The following ZMYM4 variants were observed in gnomAD, a reference collection of about 807,000 sequenced individuals.
ZMYM4 encodes zinc finger MYM-type protein 4.
In ZMYM4, 31 loss-of-function variants were observed where a neutral mutation model predicts 183.2. The ratio of observed to expected loss-of-function variants is 0.17; its 90% CI spans 0.13 to 0.23. The LOEUF is 0.23. ZMYM4 is among the 10% of genes least tolerant of loss of function. The pLI, the probability that ZMYM4 is intolerant of heterozygous loss-of-function variation, is 1.00. For synonymous variants in ZMYM4, 592 were observed against 631.2 expected (o/e 0.94, Z 0.93); for missense variants, 1,273 against 1,840.3 (o/e 0.69, Z 5.64).
At chr1:35,288,673 T>C (rs897574965) in intron 1 of ZMYM4, among the ~76,000 whole-genome samples, 2 of 152,234 alleles carry the variant, frequency 1.3e-5, no homozygotes, top group African/African-American at 4.8e-5. Context: ...GTATTATGTG[T>C]GGCTGATCTA....
At chr1:35,317,293 G>T (rs1642090319) in intron 1 of ZMYM4, among the ~76,000 whole-genome samples, 1 of 151,718 alleles carries the variant, frequency 6.6e-6, no homozygotes, top group Non-Finnish European at 1.5e-5. Flanking sequence ...AATTAGCCAG[G>T]TGTGAAGGCG....
At chr1:35,280,000 T>TA (rs1482303841) in intron 1 of ZMYM4, among the ~76,000 whole-genome samples, 3 of 152,246 alleles carry the variant, frequency 2.0e-5, no homozygotes, top group African/African-American at 7.2e-5. Flanking sequence ...ACCATGTCTT[T>TA]AAGGCAGTCT....
Position 35,389,205 on chromosome 1 carries a change from C to A in ZMYM4, c.2436+123C>A. 1.1e-6 allele frequency: 1 copy of A among 929,738 alleles called. No homozygotes were observed. The highest frequency in any genetic ancestry group is 1.5e-6 in the Non-Finnish European group (1 of 650,974). 57.6% of individuals were successfully genotyped at this position (929,738 alleles called of 1,614,324 possible). A position where few individuals can be genotyped will look rare whatever the true frequency, so the allele number is the denominator to read the frequency against. On this transcript the variant is annotated intron_variant, in intron 14 of 29. Coordinates refer to ENST00000314607, the MANE Select transcript of ZMYM4 (RefSeq NM_005095.3). The surrounding 1 kb of genome is among the most constrained non-coding windows in gnomAD (Gnocchi z 4.0). ...ACTTTTAAGTATTAAATGTTTTATG[C>A]CTTCTAGCAATTAATATAAGATTTA... is the stretch of plus-strand genomic sequence containing the variant.
chr1:35,351,475 A>G (rs1469692286), intron 2 of ZMYM4: 3 of 1,563,188 alleles, frequency 1.9e-6, no homozygotes, highest in South Asian at 1.1e-5. Flanking sequence ...AATCCAGTCT[A>G]TGAAAAGAAG....
rs1644647757 is a variant in ZMYM4 at position 35,389,231 on chromosome 1, GA to G, written c.2436+152del. 5.1e-6 allele frequency: 4 copies of G among 787,592 alleles called. No homozygotes were observed. In the East Asian group the frequency reaches 1.2e-4, roughly 23 times the overall value. The allele number at this position is 787,592 out of a possible 1,614,324, so 48.8% of individuals were successfully genotyped here. A position where few individuals can be genotyped will look rare whatever the true frequency, so the allele number is the denominator to read the frequency against. ...CTTCTAGCAATTAATATAAGATTTA[GA>G]AAGACTTTAATGTTATTGAAGTTTT... On this transcript the variant is annotated intron_variant, in intron 14 of 29. Transcript: ENST00000314607. The surrounding 1 kb of genome is among the most constrained non-coding windows in gnomAD (Gnocchi z 4.0).
chr1:35,302,060 G>T (rs999717056), intron 1 of ZMYM4, among the ~76,000 whole-genome samples: 1 of 152,148 alleles, frequency 6.6e-6, no homozygotes, highest in Non-Finnish European at 1.5e-5. Flanking sequence ...CATAATAGCC[G>T]AAAAGTTGAA....
At chr1:35,397,747 A>G (rs1220700346) in intron 20 of ZMYM4, among the ~76,000 whole-genome samples, 2 of 152,170 alleles carry the variant, frequency 1.3e-5, no homozygotes, top group Non-Finnish European at 2.9e-5. Context: ...ATTGGTATTC[A>G]ATAGTTTTTA....
chr1:35,285,967 A>G (rs1640461719), intron 1 of ZMYM4, among the ~76,000 whole-genome samples: 1 of 152,228 alleles, frequency 6.6e-6, no homozygotes, highest in Admixed American at 6.5e-5. Context: ...GAGAGATTTT[A>G]TCCTCAGATG....
In ZMYM4 at chr1:35,387,601, G is replaced by A; in HGVS notation, c.2260G>A (p.Glu754Lys). 1 of 1,606,826 alleles carries A rather than the reference G, an allele frequency of 6.2e-7. No homozygotes were observed. The highest frequency in any genetic ancestry group is 8.5e-7 in the Non-Finnish European group (1 of 1,177,978). The change falls in exon 13 of 30, where the codon GAA becomes AAA. Residue 754 changes from glutamate to lysine, a missense_variant. Glu to Lys is a moderately conservative substitution (Grantham distance 56). Coordinates refer to ENST00000314607, the MANE Select transcript of ZMYM4 (RefSeq NM_005095.3). ...FSGADKSFCSEGCKLLYKHDL... is the reference protein window; with the variant it reads ...FSGADKSFCSKGCKLLYKHDL... ...AGGTGCTGACAAGTCATTCTGTAGT[G>A]AAGGTAAAGACAGAAGATTATCTTA... is the stretch of plus-strand genomic sequence containing the variant.
chr1:35,308,978 T>A lies in ZMYM4; in HGVS notation c.40-16382T>A, dbSNP rs1570316780. 5 of 985,238 alleles carry A rather than the reference T, an allele frequency of 5.1e-6. No individual in the cohort carries two copies. The African/African-American group carries it at 8.7e-5, about 17-fold the overall frequency. The allele number at this position is 985,238 out of a possible 1,614,324, so 61.0% of individuals were successfully genotyped here. A position where few individuals can be genotyped will look rare whatever the true frequency, so the allele number is the denominator to read the frequency against. On this transcript the variant is annotated intron_variant, in intron 1 of 29. Transcript: ENST00000314607. ...TGAAAGATTAGAGCAGACAGCCTTG[T>A]TTGAAAGAGGAAAAGTGGTGTGAAT...
chr1:35,270,857 T>C (rs1451671345), intron 1 of ZMYM4, among the ~76,000 whole-genome samples: 1 of 152,176 alleles, frequency 6.6e-6, no homozygotes, highest in African/African-American at 2.4e-5. Context: ...TGTTCATCAG[T>C]CGTGTTATTT....
At chr1:35,346,364 A>G (rs1381886134) in intron 2 of ZMYM4, among the ~76,000 whole-genome samples, 1 of 152,190 alleles carries the variant, frequency 6.6e-6, no homozygotes, top group African/African-American at 2.4e-5. Context: ...AAATAGTTCT[A>G]TAGAGGTGAG....
At chr1:35,312,226 G>C (rs1293117582) in intron 1 of ZMYM4, among the ~76,000 whole-genome samples, 1 of 152,054 alleles carries the variant, frequency 6.6e-6, no homozygotes, top group African/African-American at 2.4e-5. Flanking sequence ...TTTGACGTTT[G>C]CTTAGCTTCT....
intron 5 of ZMYM4, among the ~76,000 whole-genome samples, chr1:35,362,110 T>A (rs1161155060): frequency 1.3e-5 from 2 of 152,234 alleles, no homozygotes; most frequent in Non-Finnish European, 2.9e-5. Flanking sequence ...TGTGGTGCAA[T>A]CAAGTTTATG....
At chr1:35,278,426 GTT>G (rs35594581) in intron 1 of ZMYM4, among the ~76,000 whole-genome samples, 26 of 124,556 alleles carry the variant, frequency 2.1e-4, no homozygotes, top group African/African-American at 2.8e-4. Context: ...CATGAACTCT[GTT>G]TTTTTTTTTT....
chr1:35,397,551 T>C lies in ZMYM4; in HGVS notation c.3199+6T>C. On this transcript the variant is annotated splice_donor_region_variant and intron_variant, in intron 20 of 29. Transcript: ENST00000314607. ...GAAGACTCTATCTCAGGGAGGTTGGTATACTCTTTAAAAGTAAAGAAAGAA... is the reference window on the plus strand; with the variant it reads ...GAAGACTCTATCTCAGGGAGGTTGGCATACTCTTTAAAAGTAAAGAAAGAA... 1 of 1,584,048 alleles carries C rather than the reference T, an allele frequency of 6.3e-7. No homozygotes were observed. Among genetic ancestry groups the C allele is most frequent in the Non-Finnish European group, 8.5e-7 (1 of 1,170,892 alleles).
intron 2 of ZMYM4, among the ~76,000 whole-genome samples, chr1:35,354,173 A>G (rs903246113): frequency 6.6e-6 from 1 of 152,148 alleles, no homozygotes. Context: ...AAAAAAAAGA[A>G]ATTGACATCT....
intron 1 of ZMYM4, among the ~76,000 whole-genome samples, chr1:35,319,366 G>A (rs1642191052): frequency 6.6e-6 from 1 of 151,820 alleles, no homozygotes; most frequent in African/African-American, 2.4e-5. Context: ...GCTCATGCTT[G>A]CATTCCCAGC....
chr1:35,307,781 G>A (rs974440466), intron 1 of ZMYM4, among the ~76,000 whole-genome samples: 40 of 151,538 alleles, frequency 2.6e-4, no homozygotes, highest in South Asian at 6.2e-4. Context: ...TGATCTGCCC[G>A]CCTCGGCCTC....
Sources: allele counts gnomAD v4.1 joint callset (sites outside exome capture counted in the v4.1 genomes callset), GRCh38; gene constraint gnomAD v4.1.1; non-coding constraint Gnocchi (gnomAD v3.1); transcripts MANE v1.5; gene names NCBI Gene and HGNC (gene_info 2026-07-23, HGNC 2026-07-21).